The following TSHZ2 variants were observed in gnomAD, a reference collection of about 807,000 sequenced individuals.
TSHZ2 encodes teashirt homolog 2.
A neutral mutation model predicts 74.4 loss-of-function variants in TSHZ2; 21 were observed. The ratio of observed to expected loss-of-function variants is 0.28; its 90% CI spans 0.20 to 0.41. The LOEUF is 0.41. Ranked by LOEUF, TSHZ2 falls within the 10% of genes least tolerant of loss-of-function variation. The pLI is 1.00. For missense variants in TSHZ2, 1,244 were observed against 1,293.5 expected, an observed-to-expected ratio of 0.96 and a Z score of 0.59; for synonymous variants, 540 against 515.3, an observed-to-expected ratio of 1.05 and a Z score of -0.65.
At chr20:53,138,656 T>A (rs976434926) in intron 1 of TSHZ2, among the ~76,000 whole-genome samples, 1 of 152,218 alleles carries the variant, frequency 6.6e-6, no homozygotes, top group Non-Finnish European at 1.5e-5. Context: ...CTTCTATATA[T>A]ACTTCAAAAC....
chr20:53,105,867 G>A (rs765404721), intron 1 of TSHZ2, among the ~76,000 whole-genome samples: 9 of 152,048 alleles, frequency 5.9e-5, no homozygotes, highest in Non-Finnish European at 8.8e-5. Context: ...GGCTGGTCTC[G>A]AACGATCCTG....
rs7271376 is a variant in TSHZ2, at chr20:53,093,424, G to A, written c.40+120091G>A. On this transcript the variant is annotated intron_variant, in intron 1 of 2. Coordinates refer to ENST00000371497, the MANE Select transcript of TSHZ2 (RefSeq NM_173485.6). ...TTAAAGCCTTTCCGTGGTTTCCCAC[G>A]CCTTTCACTATGGCCTGATCTAGCT... Among the ~76,000 whole-genome samples the A allele has an allele frequency of 4.3e-3, 656 of 152,272 alleles. 5 individuals are homozygous for A. The highest frequency in any genetic ancestry group is 0.015 in the African/African-American group (623 of 41,558).
intron 2 of TSHZ2, among the ~76,000 whole-genome samples, chr20:53,361,759 A>G (rs1454477833): frequency 2.6e-5 from 4 of 152,212 alleles, no homozygotes; most frequent in South Asian, 2.1e-4. Context: ...ACAGTCCCAC[A>G]CCATGAAGAA....
At chr20:53,284,385 C>T (rs774329613) in intron 2 of TSHZ2, among the ~76,000 whole-genome samples, 17 of 152,140 alleles carry the variant, frequency 1.1e-4, no homozygotes, top group Non-Finnish European at 1.8e-4. Context: ...GCACAGGCGG[C>T]GGCAGAAGCT....
intron 1 of TSHZ2, among the ~76,000 whole-genome samples, chr20:53,080,439 T>G (rs994454959): frequency 6.6e-6 from 1 of 152,176 alleles, no homozygotes; most frequent in Non-Finnish European, 1.5e-5. Context: ...TCTATTAACA[T>G]TGCAAGTCAG....
chr20:53,143,215 A>G (rs1475295128), intron 1 of TSHZ2, among the ~76,000 whole-genome samples: 4 of 152,244 alleles, frequency 2.6e-5, no homozygotes, highest in Non-Finnish European at 5.9e-5. Context: ...AGGCTTCTAC[A>G]GAAGACTCAC....
At chr20:53,323,563 C>CTATTTTT (rs1979363088) in intron 2 of TSHZ2, among the ~76,000 whole-genome samples, 1 of 36,662 alleles carries the variant, frequency 2.7e-5, no homozygotes, top group African/African-American at 1.2e-4. Flanking sequence ...CCTTGGAGGG[C>CTATTTTT]TTTTTTTTTT....
At chr20:53,384,849 G>A (rs572604613) in intron 2 of TSHZ2, among the ~76,000 whole-genome samples, 8 of 152,272 alleles carry the variant, frequency 5.3e-5, no homozygotes, top group Middle Eastern at 3.4e-3. Flanking sequence ...TCGGCTGGAC[G>A]CGGTGGCTCA....
chr20:53,451,166 A>ATAGTACAAGGG (rs1293764267), intron 2 of TSHZ2, among the ~76,000 whole-genome samples: 2 of 152,324 alleles, frequency 1.3e-5, no homozygotes, highest in South Asian at 4.1e-4. Context: ...CAGCCTACAC[A>ATAGTACAAGGG]TAGTACAAGG....
intron 2 of TSHZ2, among the ~76,000 whole-genome samples, chr20:53,430,679 G>T (rs1983812450): frequency 2.0e-5 from 3 of 152,088 alleles, no homozygotes; most frequent in Admixed American, 6.5e-5. Context: ...AAAGGAAAAA[G>T]AAAAAATAAT....
intron 2 of TSHZ2, among the ~76,000 whole-genome samples, chr20:53,299,258 T>C (rs1400150900): frequency 2.0e-5 from 3 of 152,214 alleles, no homozygotes; most frequent in Non-Finnish European, 4.4e-5. Context: ...AGGCAACTAA[T>C]TGGATAATTC....
At chr20:52,991,844 C>G (rs1214766792) in intron 1 of TSHZ2, among the ~76,000 whole-genome samples, 1 of 151,866 alleles carries the variant, frequency 6.6e-6, no homozygotes. Context: ...CATGATTTTG[C>G]GTTTGTGGTG....
At chr20:53,286,925 A>G (rs73150632) in intron 2 of TSHZ2, among the ~76,000 whole-genome samples, 8 of 135,972 alleles carry the variant, frequency 5.9e-5, no homozygotes, top group African/African-American at 2.4e-4. Context: ...ACACACACAC[A>G]CGTAACACTT....
chr20:53,181,837 A>T (rs184921136), intron 1 of TSHZ2, among the ~76,000 whole-genome samples: 35 of 152,318 alleles, frequency 2.3e-4, no homozygotes, highest in Admixed American at 3.9e-4. Flanking sequence ...GCAGTGAGCC[A>T]AGATCAAACA....
intron 2 of TSHZ2, among the ~76,000 whole-genome samples, chr20:53,269,435 C>T (rs1990785710): frequency 6.6e-6 from 1 of 152,174 alleles, no homozygotes; most frequent in Non-Finnish European, 1.5e-5. Flanking sequence ...CCAACTTTCC[C>T]ATTCTCTTCC....
At chr20:53,293,548 C>T (rs1424397603) in intron 2 of TSHZ2, among the ~76,000 whole-genome samples, 1 of 151,954 alleles carries the variant, frequency 6.6e-6, no homozygotes, top group Non-Finnish European at 1.5e-5. Flanking sequence ...GAAGGCTGAC[C>T]AGTCTTGGAT....
At chr20:53,156,420 G>A (rs1018123290) in intron 1 of TSHZ2, among the ~76,000 whole-genome samples, 1 of 152,140 alleles carries the variant, frequency 6.6e-6, no homozygotes, top group African/African-American at 2.4e-5. Context: ...GCAGTCCTGA[G>A]AACCCTATCC....
rs1473192743 is a variant in TSHZ2, at chr20:53,254,211, A to G, written c.753A>G (p.Arg251=). Residue 251 remains arginine (R), a synonymous_variant, in exon 2 of 3, where the codon AGA becomes AGG. Coordinates refer to ENST00000371497, the MANE Select transcript of TSHZ2 (RefSeq NM_173485.6). ...ACAACCGCAAAAAGGACAAGCTCAG[A>G]CCCACGAGCTATTCAAAGCCCAGGA... ...QDDNRKKDKL[R]PTSYSKPRKR... is the part of the protein sequence containing the mutation. 3 of 1,614,172 alleles carry G rather than the reference A, an allele frequency of 1.9e-6. No individual in the cohort carries two copies. The highest frequency in any genetic ancestry group is 2.5e-6 in the Non-Finnish European group (3 of 1,180,018).
intron 2 of TSHZ2, chr20:53,399,116 T>A (rs746353100): frequency 6.6e-6 from 1 of 152,214 alleles, no homozygotes; most frequent in Non-Finnish European, 1.5e-5. Flanking sequence ...AGCATATTAC[T>A]GGAAATCGCT....
Sources: gnomAD v4.1 joint callset for allele counts (sites outside exome capture counted in the v4.1 genomes callset) on GRCh38, gnomAD v4.1.1 for gene constraint, MANE v1.5 for transcripts, NCBI Gene and HGNC (gene_info 2026-07-23, HGNC 2026-07-21) for gene names.